The following TEAD1 variants were observed in gnomAD, a reference collection of about 807,000 sequenced individuals.
TEAD1 encodes transcriptional enhancer factor TEF-1.
Under a neutral mutation model 54.9 loss-of-function variants are expected in TEAD1, and 9 were observed. That is an observed-to-expected ratio of 0.16 (90% CI 0.10 to 0.29). The LOEUF is 0.29. TEAD1 is among the 10% of genes least tolerant of loss of function. The pLI is 1.00. For missense variants in TEAD1, 387 were observed against 535.9 expected (o/e 0.72, Z 2.74); for synonymous variants, 200 against 187.8 (o/e 1.07, Z -0.53).
chr11:12,686,061 C>T (rs986027282), intron 2 of TEAD1, among the ~76,000 whole-genome samples: 23 of 152,174 alleles, frequency 1.5e-4, no homozygotes, highest in Admixed American at 3.3e-4. Flanking sequence ...CAGGGCTGCC[C>T]TTTATGGTTC....
At chr11:12,681,080 C>T (rs952372831) in intron 2 of TEAD1, among the ~76,000 whole-genome samples, 2 of 152,112 alleles carry the variant, frequency 1.3e-5, no homozygotes, top group African/African-American at 4.8e-5. Flanking sequence ...ATCTCAAAGC[C>T]TTTGAGAGAC....
intron 3 of TEAD1, among the ~76,000 whole-genome samples, chr11:12,830,289 G>A (rs1029616867): frequency 6.6e-6 from 1 of 152,118 alleles, no homozygotes; most frequent in Non-Finnish European, 1.5e-5. Flanking sequence ...ACAAAGGCTG[G>A]CAGTGGGGGG....
chr11:12,716,298 G>A (rs755044570), intron 2 of TEAD1, among the ~76,000 whole-genome samples: 1 of 152,028 alleles, frequency 6.6e-6, no homozygotes, highest in East Asian at 1.9e-4. Context: ...GTGTCTGCGA[G>A]GGAGTGCAGC....
chr11:12,818,223 C>T (rs1196678888), intron 3 of TEAD1, among the ~76,000 whole-genome samples: 1 of 152,186 alleles, frequency 6.6e-6, no homozygotes, highest in East Asian at 1.9e-4. Flanking sequence ...CTGGTATGCC[C>T]AGAGTGTATC....
At chr11:12,897,015 T>C (rs1218810531) in intron 9 of TEAD1, among the ~76,000 whole-genome samples, 2 of 152,202 alleles carry the variant, frequency 1.3e-5, no homozygotes, top group Non-Finnish European at 2.9e-5. Context: ...TTTGGAGAAG[T>C]CAAAATTAGC....
At chr11:12,752,623 T>G (rs1309227707) in intron 2 of TEAD1, among the ~76,000 whole-genome samples, 2 of 152,212 alleles carry the variant, frequency 1.3e-5, no homozygotes, top group Non-Finnish European at 2.9e-5. Context: ...ATTCTATTGC[T>G]GTCCCATAGA....
intron 9 of TEAD1, among the ~76,000 whole-genome samples, chr11:12,894,699 C>G (rs1456058174): frequency 6.6e-6 from 1 of 152,186 alleles, no homozygotes; most frequent in African/African-American, 2.4e-5. Flanking sequence ...CTTAATGAGT[C>G]TGAAACTTTC....
At chr11:12,848,581 G>A (rs1947205002) in intron 3 of TEAD1, among the ~76,000 whole-genome samples, 1 of 152,138 alleles carries the variant, frequency 6.6e-6, no homozygotes, top group South Asian at 2.1e-4. Flanking sequence ...TTGAACTGCA[G>A]TTTCAGCATG....
In TEAD1 at chr11:12,930,087, C is replaced by T. The variant is rs1397776021; in HGVS notation, c.1015-87C>T. 3.2e-6 allele frequency: 5 copies of T among 1,541,118 alleles called. No individual in the cohort carries two copies. In the African/African-American group the frequency reaches 5.5e-5, roughly 17 times the overall value. On this transcript the variant is annotated intron_variant, in intron 11 of 12. Transcript: ENST00000527636. ...ATAGAAGATGATTCATGTTGAAAAA[C>T]TAAAATGCTTTTATGGGCAGTAATA...
At chr11:12,763,823 C>G (rs763208391) in intron 2 of TEAD1, among the ~76,000 whole-genome samples, 3 of 152,196 alleles carry the variant, frequency 2.0e-5, no homozygotes, top group Non-Finnish European at 4.4e-5. Context: ...CTTGCAACTC[C>G]GAGTGAGTAC....
intron 2 of TEAD1, among the ~76,000 whole-genome samples, chr11:12,708,671 C>T (rs997909693): frequency 1.3e-5 from 2 of 152,042 alleles, no homozygotes; most frequent in African/African-American, 4.8e-5. Context: ...TCCTCCGCAC[C>T]ATAATGTTTA....
intron 2 of TEAD1, among the ~76,000 whole-genome samples, chr11:12,724,917 C>T (rs570825514): frequency 6.6e-6 from 1 of 152,322 alleles, no homozygotes; most frequent in South Asian, 2.1e-4. Context: ...GCTCCCTAAC[C>T]TTGATCCTGG....
intron 9 of TEAD1, among the ~76,000 whole-genome samples, chr11:12,898,935 C>T (rs1196358586): frequency 1.3e-5 from 2 of 152,182 alleles, no homozygotes; most frequent in East Asian, 3.8e-4. Context: ...CCCCCATTCA[C>T]CTTCTTGACC....
intron 3 of TEAD1, among the ~76,000 whole-genome samples, chr11:12,833,834 A>G (rs1051840634): frequency 1.3e-5 from 2 of 152,150 alleles, no homozygotes; most frequent in Non-Finnish European, 1.5e-5. Context: ...TCATTCTTCA[A>G]GAATCCCATA....
intron 10 of TEAD1, among the ~76,000 whole-genome samples, chr11:12,921,763 G>A (rs1482489527): frequency 6.6e-6 from 1 of 152,002 alleles, no homozygotes. Flanking sequence ...GTGTATGGTA[G>A]CCCCTCTGCC....
At chr11:12,734,823 G>A (rs1252586332) in intron 2 of TEAD1, among the ~76,000 whole-genome samples, 3 of 152,150 alleles carry the variant, frequency 2.0e-5, no homozygotes, top group East Asian at 1.9e-4. Flanking sequence ...GTTGATGTAC[G>A]ATGACGAAAT....
intron 11 of TEAD1, 45 bp from the exon 12 acceptor site, chr11:12,930,129 T>C (rs751658024): frequency 6.8e-6 from 11 of 1,613,318 alleles, no homozygotes; most frequent in Non-Finnish European, 8.5e-6. Flanking sequence ...TCATGTGTTT[T>C]GGAGTCAAAA....
chr11:12,935,621 A>G (rs1008879508), intron 12 of TEAD1, among the ~76,000 whole-genome samples: 40 of 152,056 alleles, frequency 2.6e-4, no homozygotes, highest in African/African-American at 9.6e-4. Flanking sequence ...CACTGTGCCC[A>G]GCTAATTTTT....
At chr11:12,795,920 G>A (rs905351057) in intron 3 of TEAD1, among the ~76,000 whole-genome samples, 13 of 152,168 alleles carry the variant, frequency 8.5e-5, no homozygotes, top group Non-Finnish European at 1.6e-4. Context: ...AGGCACTGAC[G>A]TTTATATTTT....
Sources: gnomAD v4.1 joint callset for allele counts (sites outside exome capture counted in the v4.1 genomes callset) on GRCh38, gnomAD v4.1.1 for gene constraint, MANE v1.5 for transcripts, NCBI Gene and HGNC (gene_info 2026-07-23, HGNC 2026-07-21) for gene names.